FBXL2: variants seen among roughly 807,000 people sequenced by gnomAD.
FBXL2 encodes the protein F-box/LRR-repeat protein 2.
A neutral mutation model predicts 69.2 loss-of-function variants in FBXL2; 38 were observed. That is an observed-to-expected ratio of 0.55 (90% CI 0.42 to 0.72). FBXL2 has a LOEUF of 0.72. Ranked by LOEUF, FBXL2 falls within the 30% of genes least tolerant of loss-of-function variation. The pLI is 0.00. For missense variants in FBXL2, 354 were observed against 520.3 expected, an observed-to-expected ratio of 0.68 and a Z score of 3.11; for synonymous variants, 192 against 201.3, an observed-to-expected ratio of 0.95 and a Z score of 0.39.
chr3:33,283,117 T>G (rs1037620300), intron 1 of FBXL2, among the ~76,000 whole-genome samples: 1 of 152,222 alleles, frequency 6.6e-6, no homozygotes, highest in Non-Finnish European at 1.5e-5. Flanking sequence ...GGCATCCCTG[T>G]CTTGTGCCAG....
intron 2 of FBXL2, among the ~76,000 whole-genome samples, chr3:33,305,726 G>A (rs908971414): frequency 6.6e-6 from 1 of 151,874 alleles, no homozygotes; most frequent in Non-Finnish European, 1.5e-5. Flanking sequence ...TGTTAGAAAT[G>A]AATAGTATTT....
At position 33,286,110 on chromosome 3, in the gene FBXL2, T is replaced by C. The variant is rs541585682; in HGVS notation, c.3+8595T>C. On this transcript the variant is annotated intron_variant, in intron 1 of 14. Transcript: ENST00000484457. Reference sequence around the variant, plus strand: ...CTGTGTTCCTTTGGAGGAGAAGAGGTGCTCTGATTTTTAGAATTTTCAGCT... The same window carrying C: ...CTGTGTTCCTTTGGAGGAGAAGAGGCGCTCTGATTTTTAGAATTTTCAGCT... Among the ~76,000 whole-genome samples, 48 of 152,296 alleles carry C rather than the reference T, an allele frequency of 3.2e-4. 1 individual carries two copies. In the East Asian group the frequency reaches 8.7e-3, roughly 28 times the overall value.
At chr3:33,292,262 C>T (rs1242833793) in intron 1 of FBXL2, among the ~76,000 whole-genome samples, 2 of 152,058 alleles carry the variant, frequency 1.3e-5, no homozygotes, top group Non-Finnish European at 2.9e-5. Flanking sequence ...CACCTGTAAT[C>T]CCAGCTTCTT....
chr3:33,375,266 T>C (rs374247889), intron 9 of FBXL2, 22 bp from the exon 10 acceptor site: 2 of 1,605,708 alleles, frequency 1.2e-6, no homozygotes, highest in Non-Finnish European at 1.7e-6. Flanking sequence ...CTGACTTTTC[T>C]TTCTGTGCTG....
At chr3:33,369,616 CATTATT>C (rs896584117) in intron 5 of FBXL2, among the ~76,000 whole-genome samples, 6 of 151,508 alleles carry the variant, frequency 4.0e-5, no homozygotes, top group Non-Finnish European at 7.4e-5. Flanking sequence ...TCATTATTAT[CATTATT>C]ATTATTATTT....
chr3:33,359,044 T>A (rs1270468443), intron 3 of FBXL2, 23 bp downstream of exon 3: 2 of 1,472,374 alleles, frequency 1.4e-6, no homozygotes, highest in Non-Finnish European at 1.8e-6. Context: ...CCAGATTTTT[T>A]AATCAATAAA....
At chr3:33,323,539 T>TA (rs1386342122) in intron 2 of FBXL2, among the ~76,000 whole-genome samples, 1 of 152,084 alleles carries the variant, frequency 6.6e-6, no homozygotes, top group African/African-American at 2.4e-5. Context: ...AGCTCTCACT[T>TA]ACGAGTGAGA....
At chr3:33,407,971 TAACTG>T (rs1014580202), downstream of FBXL2, among the ~76,000 whole-genome samples, 46 of 152,214 alleles carry the variant, frequency 3.0e-4, 2 homozygotes, top group Admixed American at 2.8e-3. Flanking sequence ...TTGCTATACT[TAACTG>T]GACAAAGCAC....
At chr3:33,413,166 C>A in the FBXL2 span, among the ~76,000 whole-genome samples, 2 of 152,108 alleles carry the variant, frequency 1.3e-5, no homozygotes, top group Non-Finnish European at 2.9e-5. Context: ...ACCAGATGCA[C>A]ACAGGAGTTA....
chr3:33,288,721 C>T (rs906074379), intron 1 of FBXL2, among the ~76,000 whole-genome samples: 2 of 152,062 alleles, frequency 1.3e-5, no homozygotes, highest in African/African-American at 4.8e-5. Flanking sequence ...GAAGTAAGAT[C>T]AAAGTAGTTA....
At chr3:33,397,760 C>G (rs115889288) in intron 12 of FBXL2, 1 of 152,138 alleles carries the variant, frequency 6.6e-6, no homozygotes, top group Non-Finnish European at 1.5e-5. Flanking sequence ...ATCCTACTTA[C>G]GATGTCATTT....
intron 12 of FBXL2, chr3:33,401,151 T>C: frequency 1.5e-6 from 1 of 689,216 alleles, no homozygotes; most frequent in Non-Finnish European, 2.3e-6. Flanking sequence ...TATGAAAGTC[T>C]GCAACAAAAT....
the FBXL2 span, among the ~76,000 whole-genome samples, chr3:33,417,423 A>T: frequency 6.6e-6 from 1 of 152,172 alleles, no homozygotes; most frequent in Admixed American, 6.5e-5. Flanking sequence ...TAAACTTAGC[A>T]TAATGTTTTC....
intron 1 of FBXL2, among the ~76,000 whole-genome samples, chr3:33,277,870 T>C (rs2033484896): frequency 6.6e-6 from 1 of 152,202 alleles, no homozygotes; most frequent in South Asian, 2.1e-4. Flanking sequence ...AAAAATCTTG[T>C]ATATGGATAT....
chr3:33,407,247 A>C (rs958472456), downstream of FBXL2, among the ~76,000 whole-genome samples: 4 of 152,140 alleles, frequency 2.6e-5, no homozygotes, highest in African/African-American at 9.7e-5. Flanking sequence ...GACGTTTTGC[A>C]TACTTTAGAC....
chr3:33,375,741 C>T (rs1019024409), intron 10 of FBXL2, among the ~76,000 whole-genome samples: 3 of 152,172 alleles, frequency 2.0e-5, no homozygotes, highest in African/African-American at 7.2e-5. Flanking sequence ...AGAGTGATAG[C>T]CTCACATCCA....
intron 10 of FBXL2, among the ~76,000 whole-genome samples, chr3:33,376,054 G>T (rs533600668): frequency 1.3e-5 from 2 of 152,140 alleles, no homozygotes; most frequent in Admixed American, 1.3e-4. Context: ...TACTCGGAAT[G>T]CTGAGGCAGG....
chr3:33,310,339 A>G lies in FBXL2; in HGVS notation c.65+12614A>G, dbSNP rs145210040. ...GCTAATTTTTTGTATTTTAGTAGAG[A>G]TGGGGTTTCACCATTGTTACCAAGG... On this transcript the variant is annotated intron_variant, in intron 2 of 14. Coordinates refer to ENST00000484457, the MANE Select transcript of FBXL2 (RefSeq NM_012157.5). 7.4e-4 allele frequency among the ~76,000 whole-genome samples: 112 copies of G among 152,028 alleles called. No individual in the cohort carries two copies. In the East Asian group the frequency reaches 0.021, roughly 29 times the overall value.
At chr3:33,365,965 C>CA (rs2041929117) in intron 5 of FBXL2, among the ~76,000 whole-genome samples, 1 of 152,114 alleles carries the variant, frequency 6.6e-6, no homozygotes, top group South Asian at 2.1e-4. Flanking sequence ...GTGCAACATA[C>CA]AGTGAATGCA....
Sources: allele counts gnomAD v4.1 joint callset (sites outside exome capture counted in the v4.1 genomes callset), GRCh38; gene constraint gnomAD v4.1.1; transcripts MANE v1.5; gene names NCBI Gene and HGNC (gene_info 2026-07-23, HGNC 2026-07-21).